SLC15A2: variants seen among roughly 807,000 people sequenced by gnomAD.
SLC15A2 encodes kidney H(+)/peptide cotransporter.
In SLC15A2, 77 loss-of-function variants were observed where a neutral mutation model predicts 95.5. That is an observed-to-expected ratio of 0.81 (90% confidence interval 0.67 to 0.97). The LOEUF is 0.97. Ranked by LOEUF, SLC15A2 falls within the 50% of genes least tolerant of loss-of-function variation. The pLI is 0.00. For missense variants in SLC15A2, 893 were observed against 874.4 expected (o/e 1.02, Z -0.27); for synonymous variants, 306 against 306.9 (o/e 1.00, Z 0.03).
intron 21 of SLC15A2, 130 bp from the exon 22 acceptor site, chr3:121,940,701 A>G (rs1710444460): frequency 2.0e-6 from 2 of 1,002,852 alleles, no homozygotes; most frequent in Non-Finnish European, 2.9e-6. Context: ...CAGTGAACCC[A>G]GTCTTTGTCC....
intron 4 of SLC15A2, among the ~76,000 whole-genome samples, chr3:121,912,513 C>T (rs1014317894): frequency 1.3e-5 from 2 of 152,158 alleles, no homozygotes; most frequent in Non-Finnish European, 2.9e-5. Flanking sequence ...GGATTATAGA[C>T]GTAGCCTCTG....
chr3:121,907,020 C>A (rs138928010), intron 3 of SLC15A2, among the ~76,000 whole-genome samples: 1 of 152,134 alleles, frequency 6.6e-6, no homozygotes, highest in Non-Finnish European at 1.5e-5. Context: ...TTTACATAGT[C>A]CTATATTTCT....
intron 8 of SLC15A2, 67 bp downstream of exon 8, chr3:121,922,369 G>A: frequency 7.7e-7 from 1 of 1,291,508 alleles, no homozygotes; most frequent in South Asian, 1.2e-5. Context: ...TGAGAATATG[G>A]GCCTTCAAAC....
intron 3 of SLC15A2, among the ~76,000 whole-genome samples, chr3:121,904,288 A>G (rs368736304): frequency 6.6e-6 from 1 of 152,174 alleles, no homozygotes; most frequent in Non-Finnish European, 1.5e-5. Flanking sequence ...CAATCATGTC[A>G]TCTGCAAACA....
intron 7 of SLC15A2, among the ~76,000 whole-genome samples, chr3:121,919,160 T>C (rs1301452612): frequency 6.6e-6 from 1 of 152,198 alleles, no homozygotes; most frequent in Non-Finnish European, 1.5e-5. Flanking sequence ...TTCACTCCTG[T>C]AGTTCAACGA....
At chr3:121,895,152 G>T (rs1472830691) in intron 1 of SLC15A2, among the ~76,000 whole-genome samples, 1 of 152,178 alleles carries the variant, frequency 6.6e-6, no homozygotes, top group Non-Finnish European at 1.5e-5. Flanking sequence ...AAGTGGGGAG[G>T]ATATAGTAAT....
At chr3:121,906,828 T>C (rs1709657405) in intron 3 of SLC15A2, among the ~76,000 whole-genome samples, 2 of 152,162 alleles carry the variant, frequency 1.3e-5, no homozygotes. Flanking sequence ...AATCTGACAA[T>C]TATGTGTCTT....
At chr3:121,930,737 T>A (rs867381395) in intron 17 of SLC15A2, 103 bp from the exon 18 acceptor site, 5 of 661,314 alleles carry the variant, frequency 7.6e-6, no homozygotes, top group Admixed American at 2.7e-5. Flanking sequence ...CCTAGGCACC[T>A]GGGCACTGGG....
chr3:121,918,590 G>C (rs1157499868), intron 7 of SLC15A2, among the ~76,000 whole-genome samples: 1 of 151,878 alleles, frequency 6.6e-6, no homozygotes, highest in Non-Finnish European at 1.5e-5. Context: ...TGGGGGGATA[G>C]GTTCAAACTT....
rs1396143251 is a variant in SLC15A2 at position 121,939,442 on chromosome 3, A to G, written c.1855A>G (p.Thr619Ala). The G allele has an allele frequency of 3.2e-6, 5 of 1,561,802 alleles. No homozygotes were observed. Among genetic ancestry groups the G allele is most frequent in the African/African-American group, 1.4e-5 (1 of 72,322 alleles). Residue 619 changes from threonine (T) to alanine (A), a missense_variant, in exon 20 of 22, where the codon ACA becomes GCA. Thr to Ala is a moderately conservative substitution (Grantham distance 58). Transcript: ENST00000489711. ...AWQLPQYALV[T>A]AGEVMFSVTG... ...GCAGCTACCACAATATGCCCTGGTT[A>G]CAGCTGGGGAGGTCATGTTCTCTGT...
In SLC15A2 at chr3:121,922,845, C is replaced by A. The variant is rs1286522851; in HGVS notation, c.851C>A (p.Ala284Glu). 1 of 1,613,568 alleles carries A rather than the reference C, an allele frequency of 6.2e-7. No homozygotes were observed. Among genetic ancestry groups the A allele is most frequent in the Non-Finnish European group, 8.5e-7 (1 of 1,179,566 alleles). ...AAGCGACAGCACTGGCTAGACTGGG[C>A]GGCTGAGAAATATCCAGTAAGTTGG... ...IPKRQHWLDW[A>E]AEKYPKQLIM... is the part of the protein sequence containing the mutation. The change falls in exon 9 of 22, where the codon GCG (alanine) becomes GAG (glutamate). Residue 284 changes from alanine to glutamate, a missense_variant. By Grantham distance (107) the Ala-to-Glu change is moderately radical. Coordinates refer to ENST00000489711, the MANE Select transcript of SLC15A2 (RefSeq NM_021082.4).
Position 121,940,985 on chromosome 3 carries a change from A to G in SLC15A2, c.2168A>G (p.Glu723Gly). ...PHIQGNMIKL[E>G]TKKTKL ...ATCCAGGGGAACATGATCAAACTAG[A>G]GACCAAGAAGACAAAACTCTGATGA... The change falls in exon 22 of 22, where the codon GAG (glutamate) becomes GGG (glycine). Residue 723 changes from glutamate to glycine, a missense_variant. Transcript: ENST00000489711. 2 of 1,613,670 alleles carry G rather than the reference A, an allele frequency of 1.2e-6. No individual in the cohort carries two copies. Among genetic ancestry groups the G allele is most frequent in the Non-Finnish European group, 1.7e-6 (2 of 1,179,842 alleles).
intron 19 of SLC15A2, among the ~76,000 whole-genome samples, chr3:121,936,091 A>C (rs933240769): frequency 6.6e-6 from 1 of 152,156 alleles, no homozygotes; most frequent in African/African-American, 2.4e-5. Flanking sequence ...GAGATTCTTA[A>C]TCCTGAGTTC....
intron 19 of SLC15A2, among the ~76,000 whole-genome samples, chr3:121,938,967 A>G (rs1710405586): frequency 6.6e-6 from 1 of 152,242 alleles, no homozygotes; most frequent in South Asian, 2.1e-4. Flanking sequence ...CTCTGCTCAA[A>G]GAATAAACAC....
chr3:121,930,854 T>C lies in SLC15A2; in HGVS notation c.1568T>C (p.Leu523Ser), dbSNP rs1158383225. The change falls in exon 18 of 22, where the codon TTG (leucine) becomes TCG (serine). Residue 523 changes from leucine (L) to serine (S), a missense_variant. Coordinates refer to ENST00000489711, the MANE Select transcript of SLC15A2 (RefSeq NM_021082.4). Reference protein sequence around the residue: ...GMTTVRFVNTLHKDVNISLST... With the variant: ...GMTTVRFVNTSHKDVNISLST... ...TCTACCCTCAGGTTTGTTAACACTTTGCATAAAGATGTCAACATCTCCCTG... is the reference window on the plus strand; with the variant it reads ...TCTACCCTCAGGTTTGTTAACACTTCGCATAAAGATGTCAACATCTCCCTG... The C allele has an allele frequency of 6.2e-7, 1 of 1,610,026 alleles. No homozygotes were observed.
intron 4 of SLC15A2, 50 bp from the exon 5 acceptor site, chr3:121,912,971 C>A (rs1345325781): frequency 4.5e-6 from 6 of 1,328,374 alleles, no homozygotes; most frequent in African/African-American, 4.3e-5. Context: ...TCCATCTCTA[C>A]AGGTGCATTT....
intron 19 of SLC15A2, among the ~76,000 whole-genome samples, chr3:121,934,722 G>C (rs1413717894): frequency 6.6e-6 from 1 of 152,180 alleles, no homozygotes; most frequent in Non-Finnish European, 1.5e-5. Context: ...GGGACAATTT[G>C]ACTTCCTCTT....
chr3:121,918,139 G>A (rs925006057), intron 7 of SLC15A2, among the ~76,000 whole-genome samples: 2 of 152,158 alleles, frequency 1.3e-5, no homozygotes, highest in African/African-American at 2.4e-5. Context: ...TTTGATTACC[G>A]AATTTTTTGA....
chr3:121,931,780 A>G (rs1452288522), intron 19 of SLC15A2, 45 bp downstream of exon 19: 13 of 1,130,612 alleles, frequency 1.1e-5, no homozygotes, highest in Non-Finnish European at 1.3e-5. Flanking sequence ...CCATATACAT[A>G]TATCTCCTGA....
Sources: gnomAD v4.1 joint callset for allele counts (sites outside exome capture counted in the v4.1 genomes callset) on GRCh38, gnomAD v4.1.1 for gene constraint, MANE v1.5 for transcripts, NCBI Gene and HGNC (gene_info 2026-07-23, HGNC 2026-07-21) for gene names.